The following STK32B variants were observed in gnomAD, a reference collection of about 807,000 sequenced individuals.
The protein encoded by STK32B is serine/threonine-protein kinase 32B.
In STK32B, 43 loss-of-function variants were observed where a neutral mutation model predicts 52.6. The ratio of observed to expected loss-of-function variants is 0.82; its 90% CI spans 0.64 to 1.05. The LOEUF (loss-of-function observed/expected upper bound fraction) is 1.05. STK32B is among the 50% of genes least tolerant of loss of function. STK32B has a pLI of 0.00. For synonymous variants in STK32B, 238 were observed against 204.3 expected (o/e 1.17, Z -1.41); for missense variants, 621 against 534.6 (o/e 1.16, Z -1.59).
chr4:5,318,952 A>G (rs935517335), intron 3 of STK32B, among the ~76,000 whole-genome samples: 1 of 152,056 alleles, frequency 6.6e-6, no homozygotes, highest in Admixed American at 6.5e-5. Context: ...GGTGCCCGCC[A>G]CCATGCCCAG....
intron 1 of STK32B, among the ~76,000 whole-genome samples, chr4:5,120,463 TTTAG>T (rs1379614891): frequency 2.0e-5 from 3 of 152,344 alleles, no homozygotes; most frequent in Non-Finnish European, 4.4e-5. Context: ...TTTTTCCATA[TTTAG>T]TTATTGTTAA....
At chr4:5,118,777 C>A (rs1289973827) in intron 1 of STK32B, among the ~76,000 whole-genome samples, 1 of 152,216 alleles carries the variant, frequency 6.6e-6, no homozygotes, top group African/African-American at 2.4e-5. Context: ...TTCCCCAGCA[C>A]CGATCCCATG....
intron 1 of STK32B, among the ~76,000 whole-genome samples, chr4:5,066,219 C>T (rs533906670): frequency 1.1e-4 from 17 of 152,146 alleles, no homozygotes; most frequent in Non-Finnish European, 2.2e-4. Context: ...CAGAAGACAG[C>T]ATGTCTCAGG....
In STK32B at chr4:5,370,095, G is replaced by A. The variant is rs1029811548; in HGVS notation, c.435-28112G>A. On this transcript the variant is annotated intron_variant, in intron 4 of 11. Transcript: ENST00000282908. ...TTCACCATTTTGGTCAGGCTGTCTC[G>A]AACTCCTGACCTCAGGTGATCCGCC... is the stretch of plus-strand genomic sequence containing the variant. 1.2e-3 allele frequency among the ~76,000 whole-genome samples: 181 copies of A among 151,688 alleles called. 2 individuals are homozygous for A. The highest frequency in any genetic ancestry group is 4.0e-3 in the African/African-American group (164 of 41,144).
At chr4:5,256,289 G>A (rs554418434) in intron 3 of STK32B, among the ~76,000 whole-genome samples, 2 of 152,310 alleles carry the variant, frequency 1.3e-5, no homozygotes, top group Admixed American at 1.3e-4. Context: ...ATAGATGTGT[G>A]ACATTTACTT....
chr4:5,499,033 T>C lies in STK32B; in HGVS notation c.1195T>C (p.Cys399Arg). The C allele has an allele frequency of 1.9e-6, 3 of 1,613,660 alleles. No homozygotes were observed. The highest frequency in any genetic ancestry group is 2.5e-6 in the Non-Finnish European group (3 of 1,179,782). ...GQAQSKLQDG[C>R]NNNLLTHTCT... The stretch of plus-strand genomic sequence containing the variant: ...GGCCCAAAGCAAGCTCCAGGACGGG[T>C]GCAACAACAACCTCCTCACCCACAC... Residue 399 changes from cysteine to arginine, a missense_variant, in exon 12 of 12, where the codon TGC (cysteine) becomes CGC (arginine). Transcript: ENST00000282908.
At chr4:5,146,110 T>C (rs1043677397) in intron 2 of STK32B, among the ~76,000 whole-genome samples, 2 of 151,960 alleles carry the variant, frequency 1.3e-5, no homozygotes, top group African/African-American at 2.4e-5. Context: ...CTTTTGTTTA[T>C]TGGATTGTGT....
chr4:5,275,483 A>G (rs1417528973), intron 3 of STK32B, among the ~76,000 whole-genome samples: 1 of 152,194 alleles, frequency 6.6e-6, no homozygotes, highest in Admixed American at 6.5e-5. Flanking sequence ...GAGAAGGAGA[A>G]GAAGCTCTCA....
intron 2 of STK32B, among the ~76,000 whole-genome samples, chr4:5,157,439 T>C (rs1265797154): frequency 6.6e-6 from 1 of 152,182 alleles, no homozygotes; most frequent in African/African-American, 2.4e-5. Context: ...AAATGTGTAG[T>C]GCAGTGACCT....
chr4:5,069,190 CTTTTTTTTTT>C (rs11309394), intron 1 of STK32B, among the ~76,000 whole-genome samples: 1 of 99,582 alleles, frequency 1.0e-5, no homozygotes, highest in African/African-American at 3.8e-5. Flanking sequence ...GGCAGGTTCT[CTTTTTTTTTT>C]TTTTTTTTTT....
intron 11 of STK32B, among the ~76,000 whole-genome samples, chr4:5,497,340 A>AT (rs1720357307): frequency 6.6e-6 from 1 of 152,252 alleles, no homozygotes; most frequent in Non-Finnish European, 1.5e-5. Flanking sequence ...CAGACAGAAA[A>AT]TAAACTATAT....
chr4:5,279,799 G>C (rs542538467), intron 3 of STK32B, among the ~76,000 whole-genome samples: 2 of 152,316 alleles, frequency 1.3e-5, no homozygotes, highest in African/African-American at 4.8e-5. Context: ...AGCCACCGAG[G>C]CTGGGGACTT....
intron 3 of STK32B, among the ~76,000 whole-genome samples, chr4:5,243,128 G>C (rs946977430): frequency 1.3e-5 from 2 of 152,150 alleles, no homozygotes; most frequent in Admixed American, 1.3e-4. Context: ...GTCGTTGGTA[G>C]CTTGATGGGG....
At chr4:5,262,177 G>A (rs1414525920) in intron 3 of STK32B, among the ~76,000 whole-genome samples, 1 of 152,138 alleles carries the variant, frequency 6.6e-6, no homozygotes, top group African/African-American at 2.4e-5. Flanking sequence ...GAGCCAAAAT[G>A]CATCCAGTTG....
At chr4:5,446,330 C>T (rs529356257) in intron 6 of STK32B, among the ~76,000 whole-genome samples, 128 of 152,306 alleles carry the variant, frequency 8.4e-4, no homozygotes, top group African/African-American at 2.8e-3. Context: ...CTTTGGGAGG[C>T]TGAGGCGGGC....
At chr4:5,101,072 T>G (rs999130673) in intron 1 of STK32B, among the ~76,000 whole-genome samples, 8 of 152,124 alleles carry the variant, frequency 5.3e-5, no homozygotes, top group African/African-American at 1.9e-4. Flanking sequence ...TGTAGAGATC[T>G]GGGGGTCTCA....
intron 3 of STK32B, among the ~76,000 whole-genome samples, chr4:5,274,266 T>C (rs1489967203): frequency 6.6e-6 from 1 of 152,178 alleles, no homozygotes; most frequent in African/African-American, 2.4e-5. Flanking sequence ...GACAGTGTAG[T>C]ATTGGTGCCG....
In STK32B at chr4:5,108,781, A is replaced by C. The variant is rs7656069; in HGVS notation, c.53-31124A>C. On this transcript the variant is annotated intron_variant, in intron 1 of 11. Coordinates refer to ENST00000282908, the MANE Select transcript of STK32B (RefSeq NM_018401.3). ...AAACCTGAAATCTGCCGATGCTGTG[A>C]GTCTGTTGACTCCACAAAGTAGGCT... Among the ~76,000 whole-genome samples, 1,043 of 152,318 alleles carry C rather than the reference A, an allele frequency of 6.8e-3. 12 individuals carry two copies. Among genetic ancestry groups the C allele is most frequent in the African/African-American group, 0.024 (1,003 of 41,560 alleles).
chr4:5,224,039 G>T (rs1440577866), intron 3 of STK32B, among the ~76,000 whole-genome samples: 1 of 152,158 alleles, frequency 6.6e-6, no homozygotes, highest in Non-Finnish European at 1.5e-5. Flanking sequence ...ATTTGCTTCA[G>T]AGTAAATCTC....
Sources: allele counts gnomAD v4.1 joint callset (sites outside exome capture counted in the v4.1 genomes callset), GRCh38; gene constraint gnomAD v4.1.1; transcripts MANE v1.5; gene names NCBI Gene and HGNC (gene_info 2026-07-23, HGNC 2026-07-21).